The following WWC2 variants were observed in gnomAD, a reference collection of about 807,000 sequenced individuals.
The protein encoded by WWC2 is WW and C2 domain containing 2.
In WWC2, 101 loss-of-function variants were observed where a neutral mutation model predicts 138.5. That is an observed-to-expected ratio of 0.73 (90% CI 0.62 to 0.86). WWC2 has a LOEUF of 0.86. Among genes scored for constraint, WWC2 ranks in the 40% least tolerant of loss-of-function variants. The pLI is 0.00. For synonymous variants in WWC2, 558 were observed against 538.4 expected (o/e 1.04, Z -0.50); for missense variants, 1,420 against 1,419.4 (o/e 1.00, Z -0.01).
chr4:183,174,876 G>A (rs1343397270), intron 1 of WWC2, among the ~76,000 whole-genome samples: 1 of 151,450 alleles, frequency 6.6e-6, no homozygotes, highest in Non-Finnish European at 1.5e-5. Context: ...GTATATGTAA[G>A]ATAAATATAT....
chr4:183,217,575 GA>G (rs1423487487), intron 4 of WWC2, among the ~76,000 whole-genome samples: 6 of 150,920 alleles, frequency 4.0e-5, no homozygotes, highest in Admixed American at 6.6e-5. Context: ...AAAATGGGGA[GA>G]AAAAATATAT....
chr4:183,246,350 ATGT>A (rs1030956503), intron 6 of WWC2, among the ~76,000 whole-genome samples: 6 of 152,252 alleles, frequency 3.9e-5, no homozygotes, highest in Admixed American at 2.6e-4. Flanking sequence ...CTATGGGAAA[ATGT>A]TAGAGTCACT....
chr4:183,306,003 G>GATAACAAA (rs1222987956), intron 21 of WWC2, among the ~76,000 whole-genome samples: 2 of 152,052 alleles, frequency 1.3e-5, no homozygotes, highest in African/African-American at 4.8e-5. Flanking sequence ...AAGAATGAGG[G>GATAACAAA]ATATTTTGTT....
chr4:183,203,929 C>T (rs532061632), intron 2 of WWC2, among the ~76,000 whole-genome samples: 1 of 152,270 alleles, frequency 6.6e-6, no homozygotes, highest in East Asian at 1.9e-4. Context: ...AGTCCAAGAC[C>T]AAACTTCTTC....
chr4:183,286,120 C>A, intron 20 of WWC2, 61 bp downstream of exon 20: 1 of 1,426,312 alleles, frequency 7.0e-7, no homozygotes, highest in Non-Finnish European at 9.7e-7. Flanking sequence ...GTCACTTGTG[C>A]AGCACAAACT....
intron 1 of WWC2, among the ~76,000 whole-genome samples, chr4:183,136,045 G>A (rs1733102862): frequency 6.6e-6 from 1 of 151,432 alleles, no homozygotes. Context: ...TGTTATCTGT[G>A]GTGTTCCTCA....
chr4:183,183,324 C>G (rs1411962859), intron 1 of WWC2, among the ~76,000 whole-genome samples: 1 of 152,124 alleles, frequency 6.6e-6, no homozygotes, highest in African/African-American at 2.4e-5. Context: ...AGCTGTTTTT[C>G]CCTAACAGTC....
At chr4:183,218,576 C>T (rs1735823619) in intron 4 of WWC2, among the ~76,000 whole-genome samples, 1 of 152,108 alleles carries the variant, frequency 6.6e-6, no homozygotes, top group South Asian at 2.1e-4. Context: ...TGGAAACTGG[C>T]GAGTCCAGAT....
Position 183,259,700 on chromosome 4 carries a change from A to T in WWC2, c.1258A>T (p.Thr420Ser), listed in dbSNP as rs147027234. ...GAAACTTGAAGAAACTACTAAATTAACTACTTATTTGCATTCACAACTTAA... is the reference window on the plus strand; with the variant it reads ...GAAACTTGAAGAAACTACTAAATTATCTACTTATTTGCATTCACAACTTAA... ...LQKLEETTKLTTYLHSQLKSL... is the reference protein window; with the variant it reads ...LQKLEETTKLSTYLHSQLKSL... The change falls in exon 10 of 23, where the codon ACT becomes TCT. Residue 420 changes from threonine (T) to serine (S), a missense_variant. By Grantham distance (58) the Thr-to-Ser change is moderately conservative. Transcript: ENST00000403733. The T allele has an allele frequency of 3.7e-4, 565 of 1,547,616 alleles. 4 individuals are homozygous for T. In the African/African-American group the frequency reaches 7.1e-3, roughly 20 times the overall value.
chr4:183,258,064 G>A lies in WWC2; in HGVS notation c.1197-1575G>A, dbSNP rs117573707. 8.6e-4 allele frequency among the ~76,000 whole-genome samples: 131 copies of A among 152,300 alleles called. 3 individuals are homozygous for A. The East Asian group carries it at 0.023, about 27-fold the overall frequency. Reference sequence around the variant, plus strand: ...GTGTGGCTCAGGGTCACATTCTGACGTCATCCTGGTGCCTCCTGAAAGCAT... The same window carrying A: ...GTGTGGCTCAGGGTCACATTCTGACATCATCCTGGTGCCTCCTGAAAGCAT... On this transcript the variant is annotated intron_variant, in intron 9 of 22. Transcript: ENST00000403733.
intron 14 of WWC2, among the ~76,000 whole-genome samples, chr4:183,267,985 G>A (rs1737560743): frequency 6.6e-6 from 1 of 152,024 alleles, no homozygotes. Flanking sequence ...TGAATCTTCG[G>A]CCTCCCAGGG....
chr4:183,207,630 G>A (rs533792369), intron 2 of WWC2, among the ~76,000 whole-genome samples: 2 of 152,268 alleles, frequency 1.3e-5, no homozygotes, highest in South Asian at 4.1e-4. Context: ...TCCAGCTTAT[G>A]CAGGGCATTG....
Position 183,315,778 on chromosome 4 carries a change from G to A in WWC2, c.*49G>A. On this transcript the variant is annotated 3_prime_UTR_variant, in exon 23 of 23. Coordinates refer to ENST00000403733, the MANE Select transcript of WWC2 (RefSeq NM_024949.6). ...TTTCATCTGTTCACTTTCTTAGGGA[G>A]GGTAAAAGACTGAAGATTTGTGTTT... 6.7e-7 allele frequency: 1 copy of A among 1,490,568 alleles called. No homozygotes were observed. The highest frequency in any genetic ancestry group is 9.2e-7 in the Non-Finnish European group (1 of 1,084,720). The allele number at this position is 1,490,568 out of a possible 1,614,324, so 92.3% of individuals were successfully genotyped here.
chr4:183,245,651 C>T (rs1736755539), intron 6 of WWC2, 106 bp downstream of exon 6: 1 of 1,289,846 alleles, frequency 7.8e-7, no homozygotes, highest in Non-Finnish European at 1.0e-6. Context: ...ACCCTTCTAC[C>T]TCTGCCACAT....
intron 1 of WWC2, among the ~76,000 whole-genome samples, chr4:183,157,935 G>A (rs925443351): frequency 1.3e-5 from 2 of 151,808 alleles, no homozygotes; most frequent in African/African-American, 4.8e-5. Flanking sequence ...CCTTTCCAAG[G>A]GACTGCCTCC....
chr4:183,143,462 G>A (rs146398834), intron 1 of WWC2, among the ~76,000 whole-genome samples: 3 of 152,232 alleles, frequency 2.0e-5, no homozygotes, highest in Non-Finnish European at 2.9e-5. Flanking sequence ...AATTAGAAAC[G>A]TGCTATAAAG....
At chr4:183,271,892 G>C (rs953506411) in intron 16 of WWC2, among the ~76,000 whole-genome samples, 1 of 152,122 alleles carries the variant, frequency 6.6e-6, no homozygotes, top group Admixed American at 6.5e-5. Context: ...TGAAGTCCTT[G>C]CTCCTGGGGA....
intron 2 of WWC2, among the ~76,000 whole-genome samples, chr4:183,200,505 A>G (rs1735266649): frequency 6.6e-6 from 1 of 151,834 alleles, no homozygotes; most frequent in African/African-American, 2.4e-5. Flanking sequence ...TTATTATCTC[A>G]TGGTTTCTGT....
intron 21 of WWC2, among the ~76,000 whole-genome samples, chr4:183,300,474 AT>A (rs1331560955): frequency 6.6e-6 from 1 of 151,602 alleles, no homozygotes; most frequent in Non-Finnish European, 1.5e-5. Flanking sequence ...AGTTAGATCT[AT>A]TTTTAAAATT....
Sources: gnomAD v4.1 joint callset for allele counts (sites outside exome capture counted in the v4.1 genomes callset) on GRCh38, gnomAD v4.1.1 for gene constraint, MANE v1.5 for transcripts, NCBI Gene and HGNC (gene_info 2026-07-23, HGNC 2026-07-21) for gene names.